The following PGAP2 variants were observed in gnomAD, a reference collection of about 807,000 sequenced individuals.
PGAP2 encodes post-GPI attachment to proteins 2.
A neutral mutation model predicts 33.2 loss-of-function variants in PGAP2; 21 were observed. The ratio of observed to expected loss-of-function variants is 0.63; its 90% CI spans 0.45 to 0.91. The LOEUF is 0.91. Among genes scored for constraint, PGAP2 ranks in the 40% least tolerant of loss-of-function variants. The pLI is 0.00. For missense variants in PGAP2, 345 were observed against 424.0 expected (o/e 0.81, Z 1.64); for synonymous variants, 161 against 172.9 (o/e 0.93, Z 0.54).
chr11:3,801,704 G>T (rs1467434558), intron 1 of PGAP2, among the ~76,000 whole-genome samples: 2 of 150,602 alleles, frequency 1.3e-5, no homozygotes, highest in Non-Finnish European at 2.9e-5. Flanking sequence ...CAGCACTTTG[G>T]GAGGCTGAGG....
chr11:3,798,047 C>T (rs1590031827), intron 1 of PGAP2: 8 of 1,523,824 alleles, frequency 5.2e-6, no homozygotes, highest in Non-Finnish European at 6.1e-6. Context: ...CCTAGTCTCT[C>T]TGCCCGCACT....
chr11:3,806,161 C>G (rs766599131), upstream of PGAP2, among the ~76,000 whole-genome samples: 36 of 151,896 alleles, frequency 2.4e-4, no homozygotes, highest in Non-Finnish European at 4.3e-4. Context: ...GGAGAGGGGA[C>G]CCAGCCTCAG....
intron 3 of PGAP2, 89 bp from the exon 4 acceptor site, chr11:3,823,794 G>A: frequency 6.3e-7 from 1 of 1,598,382 alleles, no homozygotes; most frequent in South Asian, 1.1e-5. Flanking sequence ...TGGAGCAGAG[G>A]CAAGAGTGAT....
chr11:3,813,400 T>G (rs2086027388), intron 2 of PGAP2, among the ~76,000 whole-genome samples: 1 of 151,488 alleles, frequency 6.6e-6, no homozygotes, highest in African/African-American at 2.4e-5. Flanking sequence ...AAAAAAATTG[T>G]GGAGATGGGG....
chr11:3,816,360 C>T (rs1225027231), intron 2 of PGAP2: 1 of 152,520 alleles, frequency 6.6e-6, no homozygotes, highest in East Asian at 1.9e-4. Flanking sequence ...AATATCAAGC[C>T]ATCTCTGTCT....
At chr11:3,824,784 A>T in intron 5 of PGAP2, 1 of 1,430,710 alleles carries the variant, frequency 7.0e-7, no homozygotes, top group Non-Finnish European at 9.1e-7. Context: ...TTCATACTCC[A>T]TCCCCCTGAA....
intron 1 of PGAP2, among the ~76,000 whole-genome samples, chr11:3,800,854 C>G (rs568290848): frequency 3.3e-5 from 5 of 151,232 alleles, no homozygotes; most frequent in African/African-American, 9.7e-5. Flanking sequence ...AATTTCCTGC[C>G]GGGAATGGTG....
At chr11:3,799,041 G>C (rs934193244) in intron 1 of PGAP2, among the ~76,000 whole-genome samples, 1 of 152,228 alleles carries the variant, frequency 6.6e-6, no homozygotes, top group Non-Finnish European at 1.5e-5. Context: ...CTAATGCTTG[G>C]GCAGGCCTCT....
Position 3,798,030 on chromosome 11 carries a change from A to G in PGAP2, c.139+48A>G, listed in dbSNP as rs186502112. ...GCCCCGGTCCGCCGGCGCTGCTGGG[A>G]AGGCTTCCTAGTCTCTCTGCCCGCA... On this transcript the variant is annotated intron_variant, in intron 1 of 6. Transcript: ENST00000300730. 531 of 1,536,180 alleles carry G rather than the reference A, an allele frequency of 3.5e-4. 4 individuals are homozygous for G. The East Asian group carries it at 0.013, about 36-fold the overall frequency.
intron 3 of PGAP2, among the ~76,000 whole-genome samples, chr11:3,821,174 C>T (rs1056851667): frequency 4.6e-5 from 7 of 152,238 alleles, no homozygotes; most frequent in African/African-American, 1.7e-4. Flanking sequence ...TTTGTGGAGG[C>T]TGTGAAGCCC....
At chr11:3,817,810 G>T (rs1168014444) in intron 3 of PGAP2, 2 of 584,014 alleles carry the variant, frequency 3.4e-6, no homozygotes, top group Non-Finnish European at 6.4e-6. Flanking sequence ...ACCTCGGGAG[G>T]GCGAAGCCAG....
Position 3,823,883 on chromosome 11 carries a change from G to A in PGAP2, c.349G>A (p.Val117Met). 6.2e-7 allele frequency: 1 copy of A among 1,602,544 alleles called. No individual in the cohort carries two copies. The highest frequency in any genetic ancestry group is 8.5e-7 in the Non-Finnish European group (1 of 1,179,844). Residue 117 changes from valine to methionine, a missense_variant and splice_region_variant, in exon 4 of 7, where the codon GTG (valine) becomes ATG (methionine). By Grantham distance (21) the Val-to-Met change is conservative. This residue lies in a region of PGAP2 where 311 missense variants were observed against 353.6 expected (regional missense o/e 0.88). Transcript: ENST00000278243. ...GCCCAGACAGGTCACAACTCTCTAGGTGCCCAATTACCTGCCCTCGGTGAG... is the reference window on the plus strand; with the variant it reads ...GCCCAGACAGGTCACAACTCTCTAGATGCCCAATTACCTGCCCTCGGTGAG... The part of the protein sequence containing the change: ...FEYTVATDCG[V>M]PNYLPSVSSA...
intron 1 of PGAP2, among the ~76,000 whole-genome samples, chr11:3,810,588 C>G (rs943638467): frequency 6.6e-6 from 1 of 152,214 alleles, no homozygotes; most frequent in Non-Finnish European, 1.5e-5. Flanking sequence ...GCAGCTCTCT[C>G]CAGCAAACAG....
intron 3 of PGAP2, among the ~76,000 whole-genome samples, chr11:3,822,397 G>A (rs2089001376): frequency 1.3e-5 from 2 of 151,420 alleles, no homozygotes; most frequent in Admixed American, 6.6e-5. Context: ...CTGGCCAAGC[G>A]AGGTGGCTCA....
intron 6 of PGAP2, 96 bp from the exon 7 acceptor site, chr11:3,825,232 C>A: frequency 6.4e-7 from 1 of 1,555,994 alleles, no homozygotes; most frequent in South Asian, 1.1e-5. Context: ...CCATTGTGTT[C>A]TCTGTGGCAG....
chr11:3,810,542 C>T (rs1778208516), intron 1 of PGAP2, among the ~76,000 whole-genome samples: 1 of 152,188 alleles, frequency 6.6e-6, no homozygotes. Flanking sequence ...TGTGGACAGC[C>T]CCCTGGGCAC....
intron 3 of PGAP2, among the ~76,000 whole-genome samples, chr11:3,822,319 G>T (rs889057509): frequency 6.6e-6 from 1 of 152,076 alleles, no homozygotes; most frequent in African/African-American, 2.4e-5. Context: ...AGCCAAGATC[G>T]CGCCACTGCA....
At chr11:3,801,225 G>A (rs1160978935) in intron 1 of PGAP2, among the ~76,000 whole-genome samples, 2 of 152,108 alleles carry the variant, frequency 1.3e-5, no homozygotes, top group African/African-American at 4.8e-5. Context: ...ATAAAATGGG[G>A]ATAACAACCA....
At chr11:3,817,676 G>A (rs537780002) in intron 3 of PGAP2, 141 bp downstream of exon 3, 3 of 737,720 alleles carry the variant, frequency 4.1e-6, no homozygotes, top group Non-Finnish European at 7.3e-6. Flanking sequence ...GTAAGTCAGA[G>A]TCAGAGATAA....
Sources: allele counts gnomAD v4.1 joint callset (sites outside exome capture counted in the v4.1 genomes callset), GRCh38; gene constraint gnomAD v4.1.1; regional missense constraint gnomAD v4.1.1; transcripts MANE v1.5; gene names NCBI Gene and HGNC (gene_info 2026-07-23, HGNC 2026-07-21).